The following QTGAL variants were observed in gnomAD, a reference collection of about 807,000 sequenced individuals.
The protein encoded by QTGAL is BGnT-like protein 1.
chr17:82,970,094 C>T, the QTGAL span, among the ~76,000 whole-genome samples: 8 of 152,240 alleles, frequency 5.3e-5, no homozygotes, highest in African/African-American at 1.9e-4. Flanking sequence ...TTTCGCACAT[C>T]AAAGCTTTGG....
At chr17:83,050,901 G>GAGCAGGTGTGTGA in the QTGAL span, among the ~76,000 whole-genome samples, 1 of 151,952 alleles carries the variant, frequency 6.6e-6, no homozygotes, top group Admixed American at 6.5e-5. Context: ...GCAGGACGCA[G>GAGCAGGTGTGTGA]AGCAGGTGTG....
At chr17:83,014,564 G>A in the QTGAL span, 1 of 1,589,138 alleles carries the variant, frequency 6.3e-7, no homozygotes, top group East Asian at 2.2e-5. Flanking sequence ...TGCATTGATT[G>A]ATGCATAGAC....
At chr17:83,039,277 A>G in the QTGAL span, among the ~76,000 whole-genome samples, 6,975 of 99,920 alleles carry the variant, frequency 0.07, 523 homozygotes, top group Non-Finnish European at 0.098. Flanking sequence ...TTCTAGACAC[A>G]CTGCTGGGCG....
the QTGAL span, among the ~76,000 whole-genome samples, chr17:82,990,177 G>A: frequency 2.0e-5 from 3 of 152,218 alleles, no homozygotes; most frequent in African/African-American, 7.2e-5. Flanking sequence ...ATGCCCTCTT[G>A]TACAGACCCC....
the QTGAL span, chr17:83,005,970 C>T: frequency 8.7e-7 from 1 of 1,146,868 alleles, no homozygotes; most frequent in Non-Finnish European, 1.1e-6. The surrounding 1 kb of genome is among the most constrained non-coding windows in gnomAD (Gnocchi z 5.6). Flanking sequence ...TCCTTCAGGG[C>T]TCACACTCAC....
chr17:83,004,995 C>T, the QTGAL span: 8 of 739,106 alleles, frequency 1.1e-5, no homozygotes, highest in Admixed American at 5.9e-5. Flanking sequence ...TGAGTGAAGG[C>T]GAGGACAGAA....
At chr17:83,047,525 C>A in the QTGAL span, among the ~76,000 whole-genome samples, 1 of 138,172 alleles carries the variant, frequency 7.2e-6, no homozygotes, top group African/African-American at 2.7e-5. Flanking sequence ...TATAATAAAT[C>A]CCTACCAAAG....
the QTGAL span, among the ~76,000 whole-genome samples, chr17:83,004,759 C>A: frequency 7.8e-6 from 1 of 128,446 alleles, no homozygotes; most frequent in Admixed American, 7.4e-5. Context: ...CCCTCCCACC[C>A]TCCGCAGTCC....
the QTGAL span, among the ~76,000 whole-genome samples, chr17:82,982,047 G>A: frequency 6.6e-6 from 1 of 151,104 alleles, no homozygotes; most frequent in Non-Finnish European, 1.5e-5. Flanking sequence ...TCACCTCCGT[G>A]GTGATGGGCC....
At chr17:82,980,909 G>A in the QTGAL span, among the ~76,000 whole-genome samples, 2 of 152,124 alleles carry the variant, frequency 1.3e-5, no homozygotes, top group Non-Finnish European at 2.9e-5. Context: ...TGAGCACATG[G>A]CTGGTTCCCC....
chr17:82,946,253 A>T, the QTGAL span, among the ~76,000 whole-genome samples: 2 of 152,254 alleles, frequency 1.3e-5, no homozygotes, highest in Non-Finnish European at 2.9e-5. Flanking sequence ...TTAGAAATAA[A>T]TATTTTGGGA....
At chr17:83,026,918 A>G in the QTGAL span, among the ~76,000 whole-genome samples, 5 of 101,818 alleles carry the variant, frequency 4.9e-5, no homozygotes, top group African/African-American at 7.2e-5. Context: ...AGAGGAGGGC[A>G]GGGAGCCTGC....
the QTGAL span, chr17:83,035,129 T>G: frequency 6.3e-7 from 1 of 1,580,464 alleles, no homozygotes; most frequent in South Asian, 1.1e-5. Context: ...AAAACTCTTT[T>G]ATAATTCAGT....
chr17:83,034,385 C>T, the QTGAL span, among the ~76,000 whole-genome samples: 1 of 152,238 alleles, frequency 6.6e-6, no homozygotes, highest in Admixed American at 6.5e-5. Flanking sequence ...ATATATCTTA[C>T]TTACCATGAT....
chr17:83,039,214 C>T, the QTGAL span, among the ~76,000 whole-genome samples: 10 of 151,358 alleles, frequency 6.6e-5, no homozygotes, highest in East Asian at 5.9e-4. Context: ...GCTGAGCGCC[C>T]GCCGCCCGCC....
chr17:83,006,924 G>T, the QTGAL span: 1 of 709,014 alleles, frequency 1.4e-6, no homozygotes, highest in Non-Finnish European at 1.7e-6. This position sits in a 1 kb window ranked among gnomAD's most constrained non-coding sequence, Gnocchi z 5.8. Flanking sequence ...TCTCCAGAGT[G>T]GTTGCGCCGT....
the QTGAL span, among the ~76,000 whole-genome samples, chr17:83,047,735 C>T: frequency 0.086 from 8,477 of 98,074 alleles, 278 homozygotes; most frequent in East Asian, 0.15. Context: ...GAATAAGAAA[C>T]TTAGGTCTAT....
At chr17:82,960,095 A>C in the QTGAL span, among the ~76,000 whole-genome samples, 119 of 152,338 alleles carry the variant, frequency 7.8e-4, 1 homozygote, top group African/African-American at 2.7e-3. Context: ...GAGGCGGCCA[A>C]GGTGCCGGTG....
the QTGAL span, among the ~76,000 whole-genome samples, chr17:82,988,830 AT>A: frequency 6.6e-6 from 1 of 152,180 alleles, no homozygotes; most frequent in Non-Finnish European, 1.5e-5. Flanking sequence ...CAGAATGGCG[AT>A]TTTTTAAAAA....
Sources: allele counts gnomAD v4.1 joint callset (sites outside exome capture counted in the v4.1 genomes callset), GRCh38; gene constraint gnomAD v4.1.1; non-coding constraint Gnocchi (gnomAD v3.1); transcripts MANE v1.5; gene names NCBI Gene and HGNC (gene_info 2026-07-23, HGNC 2026-07-21).